Variants in RSRC1 observed in about 807,000 individuals in gnomAD.
RSRC1 encodes the protein serine/Arginine-related protein 53.
Under a neutral mutation model 49.1 loss-of-function variants are expected in RSRC1, and 39 were observed. The ratio of observed to expected loss-of-function variants is 0.79; its 90% CI spans 0.61 to 1.04. RSRC1 has a LOEUF of 1.04. Ranked by LOEUF, RSRC1 falls within the 50% of genes least tolerant of loss-of-function variation. The pLI, the probability that RSRC1 is intolerant of heterozygous loss-of-function variation, is 0.00. For missense variants in RSRC1, 388 were observed against 402.4 expected, an observed-to-expected ratio of 0.96 and a Z score of 0.31; for synonymous variants, 143 against 130.8, an observed-to-expected ratio of 1.09 and a Z score of -0.63.
At chr3:158,190,173 T>C (rs1162226296) in intron 3 of RSRC1, among the ~76,000 whole-genome samples, 1 of 152,006 alleles carries the variant, frequency 6.6e-6, no homozygotes, top group Middle Eastern at 3.2e-3. Flanking sequence ...CAGAATATTC[T>C]TTTTCCTTTA....
intron 4 of RSRC1, among the ~76,000 whole-genome samples, chr3:158,219,655 A>G (rs1358908636): frequency 2.0e-5 from 3 of 151,644 alleles, no homozygotes; most frequent in African/African-American, 7.3e-5. Flanking sequence ...ATTTTAACTT[A>G]GAGAAGCAAC....
chr3:158,237,449 A>G (rs538311537), intron 4 of RSRC1, among the ~76,000 whole-genome samples: 3 of 152,202 alleles, frequency 2.0e-5, no homozygotes, highest in Non-Finnish European at 4.4e-5. Flanking sequence ...TAAGCAATGC[A>G]TGTTCCAGCA....
chr3:158,132,168 C>T (rs1609526), intron 3 of RSRC1: 291,830 of 442,662 alleles, frequency 0.66, 97,160 homozygotes, highest in East Asian at 0.84. Flanking sequence ...GTATTTTTGG[C>T]GGAGATGGGG....
At chr3:158,332,174 A>G (rs1450797347) in intron 5 of RSRC1, among the ~76,000 whole-genome samples, 1 of 152,182 alleles carries the variant, frequency 6.6e-6, no homozygotes, top group African/African-American at 2.4e-5. Flanking sequence ...TAAAAGAAAT[A>G]TACCATCATA....
intron 5 of RSRC1, among the ~76,000 whole-genome samples, chr3:158,307,141 T>G (rs940629434): frequency 6.6e-6 from 1 of 150,458 alleles, no homozygotes; most frequent in Admixed American, 6.6e-5. Context: ...GGTTTGTTTG[T>G]TTTTTTTACT....
chr3:158,520,141 T>C (rs1482288674), intron 7 of RSRC1, among the ~76,000 whole-genome samples: 1 of 152,180 alleles, frequency 6.6e-6, no homozygotes, highest in Non-Finnish European at 1.5e-5. Flanking sequence ...GAAATTCTTA[T>C]GAGAGGTAAA....
intron 6 of RSRC1, among the ~76,000 whole-genome samples, chr3:158,382,675 C>T (rs150718362): frequency 1.3e-5 from 2 of 152,186 alleles, no homozygotes; most frequent in Non-Finnish European, 2.9e-5. Context: ...TCTGAGAGAG[C>T]CAGTTTGAAT....
chr3:158,152,979 C>A (rs1442695749), intron 3 of RSRC1, among the ~76,000 whole-genome samples: 1 of 152,142 alleles, frequency 6.6e-6, no homozygotes, highest in Non-Finnish European at 1.5e-5. Context: ...GTAAAGATGC[C>A]TAAGTGGGCA....
At chr3:158,487,504 C>T (rs1261158770) in intron 7 of RSRC1, among the ~76,000 whole-genome samples, 1 of 152,132 alleles carries the variant, frequency 6.6e-6, no homozygotes, top group Admixed American at 6.6e-5. Context: ...ATTTGATGAA[C>T]TTGGTTGTTA....
intron 4 of RSRC1, among the ~76,000 whole-genome samples, chr3:158,274,767 C>T (rs1313622612): frequency 1.3e-5 from 2 of 152,128 alleles, no homozygotes; most frequent in Non-Finnish European, 2.9e-5. Flanking sequence ...AGTGATGGCC[C>T]AACTTTGTGG....
At chr3:158,443,932 G>C (rs1034643638) in intron 6 of RSRC1, among the ~76,000 whole-genome samples, 1 of 152,114 alleles carries the variant, frequency 6.6e-6, no homozygotes, top group Non-Finnish European at 1.5e-5. Context: ...GAGGGCAAGA[G>C]ACAGAGGAAC....
chr3:158,300,110 A>T (rs1027795761), intron 5 of RSRC1, among the ~76,000 whole-genome samples: 4 of 152,198 alleles, frequency 2.6e-5, no homozygotes, highest in African/African-American at 9.7e-5. Flanking sequence ...TATGTCATAT[A>T]CCTCAAATGT....
At chr3:158,351,915 TTA>T (rs971459933) in intron 5 of RSRC1, among the ~76,000 whole-genome samples, 71 of 143,820 alleles carry the variant, frequency 4.9e-4, no homozygotes, top group East Asian at 4.9e-3. Flanking sequence ...TATATAAATA[TTA>T]TATATATATA....
chr3:158,147,928 A>G (rs533651787), intron 3 of RSRC1, among the ~76,000 whole-genome samples: 4 of 152,162 alleles, frequency 2.6e-5, no homozygotes, highest in African/African-American at 9.7e-5. Flanking sequence ...TAATATTTTT[A>G]AAAATGCAAT....
intron 6 of RSRC1, among the ~76,000 whole-genome samples, chr3:158,408,529 G>T (rs1485661142): frequency 6.6e-6 from 1 of 151,850 alleles, no homozygotes; most frequent in East Asian, 1.9e-4. Context: ...AGGCATCGCA[G>T]AAAAAAAATG....
intron 4 of RSRC1, among the ~76,000 whole-genome samples, chr3:158,260,795 G>A (rs1724851315): frequency 6.6e-6 from 1 of 152,122 alleles, no homozygotes; most frequent in South Asian, 2.1e-4. Context: ...TTCTCTGTCT[G>A]GGCCCTGGCT....
intron 4 of RSRC1, among the ~76,000 whole-genome samples, chr3:158,257,637 A>T (rs974184532): frequency 6.6e-6 from 1 of 152,088 alleles, no homozygotes; most frequent in Non-Finnish European, 1.5e-5. Context: ...ATTTACATTC[A>T]GGGTTTTTAT....
In RSRC1 at chr3:158,543,392, GT is replaced by G; in HGVS notation, c.819del (p.Ala274LeufsTer10). 1.2e-6 allele frequency: 2 copies of G among 1,601,574 alleles called. No individual in the cohort carries two copies. Among genetic ancestry groups the G allele is most frequent in the Non-Finnish European group, 1.7e-6 (2 of 1,174,530 alleles). On this transcript the variant is annotated frameshift_variant, in exon 9 of 10. Transcript: ENST00000611884. LOFTEE classifies it high-confidence loss of function. ...TTCAACATCAGGACCAGCATCAGCA[GT>G]TGCTGATCCACCCAGTACTGAAAAA... ...ATSTSGPASA[V>X]ADPPSTEKEI...
At chr3:158,188,796 G>A (rs942610681) in intron 3 of RSRC1, among the ~76,000 whole-genome samples, 1 of 151,698 alleles carries the variant, frequency 6.6e-6, no homozygotes, top group Non-Finnish European at 1.5e-5. Flanking sequence ...ATCAACTTTG[G>A]TCTTTCTTGA....
Sources: allele counts gnomAD v4.1 joint callset (sites outside exome capture counted in the v4.1 genomes callset), GRCh38; gene constraint gnomAD v4.1.1; transcripts MANE v1.5; gene names NCBI Gene and HGNC (gene_info 2026-07-23, HGNC 2026-07-21).